GLIS1: variants seen among roughly 807,000 people sequenced by gnomAD.
GLIS1 encodes GLIS family zinc finger 1.
Under a neutral mutation model 63.8 loss-of-function variants are expected in GLIS1, and 24 were observed. The observed-to-expected ratio is 0.38, with a 90% CI of 0.27 to 0.53. GLIS1 has a LOEUF of 0.53. Ranked by LOEUF, GLIS1 falls within the 20% of genes least tolerant of loss-of-function variation. The pLI, the probability that GLIS1 is intolerant of heterozygous loss-of-function variation, is 0.85. For missense variants in GLIS1, 1,036 were observed against 1,074.1 expected, an observed-to-expected ratio of 0.96 and a Z score of 0.50; for synonymous variants, 450 against 482.5, an observed-to-expected ratio of 0.93 and a Z score of 0.88.
chr1:53,695,101 GT>G (rs1646450815), intron 2 of GLIS1, among the ~76,000 whole-genome samples: 3 of 151,492 alleles, frequency 2.0e-5, no homozygotes, highest in South Asian at 2.1e-4. Flanking sequence ...AGCCCTGTGT[GT>G]GTAACGAAGC....
intron 2 of GLIS1, among the ~76,000 whole-genome samples, chr1:53,695,159 G>A (rs981359205): frequency 6.6e-6 from 1 of 152,154 alleles, no homozygotes; most frequent in Non-Finnish European, 1.5e-5. Flanking sequence ...TGAGGAAGAG[G>A]AAAGCCCCCA....
chr1:53,597,756 G>C (rs1458800620), intron 3 of GLIS1, among the ~76,000 whole-genome samples: 1 of 152,108 alleles, frequency 6.6e-6, no homozygotes, highest in Non-Finnish European at 1.5e-5. Context: ...GAAAGTGTCA[G>C]CTCAAATTCA....
At chr1:53,687,499 T>C (rs1399370145) in intron 2 of GLIS1, among the ~76,000 whole-genome samples, 1 of 152,130 alleles carries the variant, frequency 6.6e-6, no homozygotes, top group Non-Finnish European at 1.5e-5. Flanking sequence ...TAACTCCTCA[T>C]GGAAGACCCG....
chr1:53,633,409 T>C (rs1433484608), intron 2 of GLIS1, among the ~76,000 whole-genome samples: 2 of 123,442 alleles, frequency 1.6e-5, no homozygotes, highest in East Asian at 5.1e-4. Context: ...GACTGAGGGG[T>C]GTGTGTATGA....
chr1:53,607,058 T>C (rs921786872), intron 2 of GLIS1, among the ~76,000 whole-genome samples: 1 of 152,184 alleles, frequency 6.6e-6, no homozygotes, highest in Admixed American at 6.5e-5. Flanking sequence ...GGCCAGCTTT[T>C]CCCTCAGACT....
At chr1:53,520,502 T>G in intron 7 of GLIS1, 132 bp downstream of exon 7, 1 of 1,053,180 alleles carries the variant, frequency 9.5e-7, no homozygotes, top group Admixed American at 3.4e-5. Flanking sequence ...GGCAACCAAG[T>G]CCAGATGAGT....
chr1:53,632,701 G>A (rs1462229333), intron 2 of GLIS1, among the ~76,000 whole-genome samples: 1 of 147,978 alleles, frequency 6.8e-6, no homozygotes, highest in Non-Finnish European at 1.5e-5. Context: ...AGACTGAGGG[G>A]TGTGAATGAG....
At chr1:53,609,953 A>G (rs547193576) in intron 2 of GLIS1, among the ~76,000 whole-genome samples, 41 of 152,316 alleles carry the variant, frequency 2.7e-4, no homozygotes, top group Admixed American at 2.3e-3. Context: ...GCATTTGTGT[A>G]TCTCTAAACA....
chr1:53,583,820 T>C (rs1170445100), intron 4 of GLIS1, among the ~76,000 whole-genome samples: 1 of 152,192 alleles, frequency 6.6e-6, no homozygotes, highest in Non-Finnish European at 1.5e-5. Context: ...AGATTTATTG[T>C]GGGGACGGGT....
At chr1:53,622,015 C>T (rs1043761378) in intron 2 of GLIS1, among the ~76,000 whole-genome samples, 5 of 152,040 alleles carry the variant, frequency 3.3e-5, no homozygotes, top group African/African-American at 7.2e-5. Context: ...AGGATGGTCT[C>T]GACCTCTTGA....
Position 53,539,550 on chromosome 1 carries a change from C to CG in GLIS1, c.1321-9599_1321-9598insC, listed in dbSNP as rs1398222995. On this transcript the variant is annotated intron_variant, in intron 4 of 10. Coordinates refer to ENST00000628545, the MANE Select transcript of GLIS1 (RefSeq NM_001367484.1). This position sits in a 1 kb window ranked among gnomAD's most constrained non-coding sequence, Gnocchi z 5.0. ...CACACATACCACACGGTATACACCC[C>CG]CCCACACACACTACACATCATACAC... 2.3e-4 allele frequency among the ~76,000 whole-genome samples: 35 copies of CG among 149,086 alleles called. No homozygotes were observed. Among genetic ancestry groups the CG allele is most frequent in the Middle Eastern group, 3.5e-3 (1 of 284 alleles).
At chr1:53,592,943 CG>C (rs1645207159) in intron 4 of GLIS1, among the ~76,000 whole-genome samples, 1 of 152,276 alleles carries the variant, frequency 6.6e-6, no homozygotes, top group Non-Finnish European at 1.5e-5. Flanking sequence ...CCCAGGAGGA[CG>C]GAGTTTATGC....
At chr1:53,527,674 C>T (rs1353367028) in intron 5 of GLIS1, among the ~76,000 whole-genome samples, 23 of 152,276 alleles carry the variant, frequency 1.5e-4, no homozygotes. Context: ...AAAGCAAGGC[C>T]CTGCCCTGTG....
rs138830298 is a variant in GLIS1 at position 53,738,768 on chromosome 1, C to G, written c.-43+337G>C. Among the ~76,000 whole-genome samples the G allele has an allele frequency of 9.8e-3, 1,500 of 152,308 alleles. 15 individuals carry two copies. The highest frequency in any genetic ancestry group is 0.013 in the Non-Finnish European group (864 of 68,012). On this transcript the variant is annotated intron_variant, in intron 1 of 10. Coordinates refer to ENST00000628545, the MANE Select transcript of GLIS1 (RefSeq NM_001367484.1). The stretch of plus-strand genomic sequence containing the variant: ...GAATCGAGCCCGTCGCGCGCGCAAA[C>G]CGGCACAGTGGGCAATGCCCACGCG...
intron 2 of GLIS1, among the ~76,000 whole-genome samples, chr1:53,719,269 G>A (rs988068298): frequency 5.3e-5 from 8 of 152,188 alleles, no homozygotes; most frequent in African/African-American, 1.9e-4. Context: ...GGCGTCCAGG[G>A]CTGTGCCCAG....
intron 2 of GLIS1, among the ~76,000 whole-genome samples, chr1:53,710,055 C>A (rs1333869922): frequency 6.6e-6 from 1 of 152,320 alleles, no homozygotes; most frequent in Middle Eastern, 3.4e-3. Context: ...GCTGCCCACA[C>A]ACTGATGGTC....
In GLIS1 at chr1:53,667,587, C is replaced by G. The variant is rs190976388; in HGVS notation, c.260-67309G>C. Among the ~76,000 whole-genome samples, 725 of 150,796 alleles carry G rather than the reference C, an allele frequency of 4.8e-3. 4 individuals are homozygous for G. Among genetic ancestry groups the G allele is most frequent in the African/African-American group, 0.015 (611 of 40,930 alleles). ...CACCTTCTCATCTCTCTTTCAGACT[C>G]ACAGGCTCTCACAGTTCATTTGTAC... On this transcript the variant is annotated intron_variant, in intron 2 of 10. Transcript: ENST00000628545.
intron 2 of GLIS1, among the ~76,000 whole-genome samples, chr1:53,625,015 C>T (rs1645580737): frequency 6.6e-6 from 1 of 152,164 alleles, no homozygotes; most frequent in Non-Finnish European, 1.5e-5. Flanking sequence ...TAACTGGACA[C>T]CCACTGAAGG....
At chr1:53,538,497 G>A (rs12744320) in intron 4 of GLIS1, among the ~76,000 whole-genome samples, 57,336 of 152,024 alleles carry the variant, frequency 0.38, 10,963 homozygotes, top group Admixed American at 0.4. Flanking sequence ...GATGGAGCCT[G>A]GGTTCACCTC....
Sources: allele counts gnomAD v4.1 joint callset (sites outside exome capture counted in the v4.1 genomes callset), GRCh38; gene constraint gnomAD v4.1.1; non-coding constraint Gnocchi (gnomAD v3.1); transcripts MANE v1.5; gene names NCBI Gene and HGNC (gene_info 2026-07-23, HGNC 2026-07-21).